Variants in SAMD4A observed in about 807,000 individuals in gnomAD.
SAMD4A encodes the protein sterile alpha motif domain containing 4A, also known as protein Smaug homolog 1.
A neutral mutation model predicts 81.3 loss-of-function variants in SAMD4A; 33 were observed. That is an observed-to-expected ratio of 0.41 (90% CI 0.31 to 0.54). The LOEUF (loss-of-function observed/expected upper bound fraction) is 0.54, where lower values mean the gene tolerates loss of function less well. SAMD4A is among the 20% of genes least tolerant of loss of function. The probability of loss-of-function intolerance (pLI) is 0.37; values close to 1 mark genes in which losing one functional copy is unlikely to be tolerated. For missense variants in SAMD4A, 854 were observed against 951.1 expected (o/e 0.90, Z 1.34); for synonymous variants, 389 against 382.1 (o/e 1.02, Z -0.21).
At chr14:54,626,047 TGTGTGTGTGTGTGCGCGC>T (rs1051095131) in intron 2 of SAMD4A, among the ~76,000 whole-genome samples, 38 of 130,252 alleles carry the variant, frequency 2.9e-4, no homozygotes, top group African/African-American at 1.2e-3. Flanking sequence ...TGTGTGTGTG[TGTGTGTGTGTGTGCGCGC>T]GCGCGCGCGC....
intron 12 of SAMD4A, among the ~76,000 whole-genome samples, chr14:54,785,566 C>T (rs529859883): frequency 2.0e-5 from 3 of 152,228 alleles, no homozygotes; most frequent in African/African-American, 4.8e-5. Context: ...AAGCGATAGC[C>T]CTATCCAGTC....
chr14:54,676,135 C>T (rs1217261658), intron 2 of SAMD4A, among the ~76,000 whole-genome samples: 5 of 152,046 alleles, frequency 3.3e-5, no homozygotes, highest in Non-Finnish European at 5.9e-5. Flanking sequence ...ACAAAGGAGC[C>T]CCTGAATACC....
chr14:54,632,721 T>C (rs1481705689), intron 2 of SAMD4A, among the ~76,000 whole-genome samples: 1 of 152,220 alleles, frequency 6.6e-6, no homozygotes, highest in Non-Finnish European at 1.5e-5. Context: ...CAAGAACCTG[T>C]GGTCTGAATC....
chr14:54,722,411 A>G (rs1436670235), intron 3 of SAMD4A, among the ~76,000 whole-genome samples: 1 of 152,188 alleles, frequency 6.6e-6, no homozygotes, highest in Admixed American at 6.5e-5. Context: ...GTACAAATCT[A>G]TAGGCCTCAA....
At chr14:54,649,080 G>A (rs2035348602) in intron 2 of SAMD4A, among the ~76,000 whole-genome samples, 1 of 152,180 alleles carries the variant, frequency 6.6e-6, no homozygotes, top group South Asian at 2.1e-4. Flanking sequence ...TGGTATCATT[G>A]ACTGAGATGG....
At chr14:54,598,996 T>C (rs1594713913) in intron 2 of SAMD4A, among the ~76,000 whole-genome samples, 1 of 152,126 alleles carries the variant, frequency 6.6e-6, no homozygotes, top group Non-Finnish European at 1.5e-5. Context: ...AATTTTTGTA[T>C]TTTTGTAGAG....
chr14:54,670,914 G>GA (rs2035867268), intron 2 of SAMD4A, among the ~76,000 whole-genome samples: 1 of 152,148 alleles, frequency 6.6e-6, no homozygotes, highest in Non-Finnish European at 1.5e-5. Context: ...CACAAAGAAG[G>GA]AAGTGTTCCT....
At chr14:54,641,902 A>G (rs1426889198) in intron 2 of SAMD4A, among the ~76,000 whole-genome samples, 1 of 152,098 alleles carries the variant, frequency 6.6e-6, no homozygotes, top group African/African-American at 2.4e-5. Context: ...GGTTCAAGCA[A>G]TTCTCCTACC....
chr14:54,738,198 T>G (rs2037748430), intron 4 of SAMD4A, among the ~76,000 whole-genome samples: 1 of 152,218 alleles, frequency 6.6e-6, no homozygotes, highest in South Asian at 2.1e-4. Flanking sequence ...GCATTAATAG[T>G]CCTGAGGTTT....
chr14:54,753,588 C>T (rs1350322436), intron 6 of SAMD4A, among the ~76,000 whole-genome samples: 1 of 152,114 alleles, frequency 6.6e-6, no homozygotes, highest in East Asian at 1.9e-4. Flanking sequence ...TACATAGACA[C>T]AGTAACAGTC....
intron 2 of SAMD4A, among the ~76,000 whole-genome samples, chr14:54,586,522 T>C (rs546270048): frequency 6.6e-6 from 1 of 152,294 alleles, no homozygotes; most frequent in South Asian, 2.1e-4. Context: ...TCTAGAAGGG[T>C]TTTTCCAATG....
At chr14:54,783,490 G>A (rs1181615507) in intron 11 of SAMD4A, among the ~76,000 whole-genome samples, 1 of 152,246 alleles carries the variant, frequency 6.6e-6, no homozygotes, top group Admixed American at 6.5e-5. Flanking sequence ...AGGGGTTCCA[G>A]GTGGTAGAGG....
chr14:54,634,755 G>GTCTA (rs1203139528), intron 2 of SAMD4A, among the ~76,000 whole-genome samples: 2 of 91,652 alleles, frequency 2.2e-5, no homozygotes, highest in East Asian at 3.9e-4. Flanking sequence ...CTGTCTGTCT[G>GTCTA]TCTGTCTATC....
At chr14:54,645,529 G>GT (rs2035268954) in intron 2 of SAMD4A, among the ~76,000 whole-genome samples, 1 of 151,956 alleles carries the variant, frequency 6.6e-6, no homozygotes, top group African/African-American at 2.4e-5. Context: ...TTCAAAGCCT[G>GT]TTTTTTTAAA....
chr14:54,634,528 T>C (rs2034984970), intron 2 of SAMD4A, among the ~76,000 whole-genome samples: 1 of 152,048 alleles, frequency 6.6e-6, no homozygotes, highest in Non-Finnish European at 1.5e-5. Context: ...CTAGATCCCT[T>C]GCATGCACAG....
chr14:54,637,785 C>T (rs2035072702), intron 2 of SAMD4A, among the ~76,000 whole-genome samples: 1 of 152,196 alleles, frequency 6.6e-6, no homozygotes, highest in Non-Finnish European at 1.5e-5. Flanking sequence ...ATACTAGTTA[C>T]ATTAAATCAG....
At chr14:54,756,627 G>C (rs369286089) in intron 6 of SAMD4A, among the ~76,000 whole-genome samples, 1 of 152,178 alleles carries the variant, frequency 6.6e-6, no homozygotes, top group Non-Finnish European at 1.5e-5. Flanking sequence ...GAATGGATGC[G>C]CTAGATACAG....
intron 2 of SAMD4A, among the ~76,000 whole-genome samples, chr14:54,614,247 T>C (rs892527484): frequency 6.6e-6 from 1 of 152,240 alleles, no homozygotes; most frequent in Non-Finnish European, 1.5e-5. Flanking sequence ...ACATGTAATT[T>C]ATGTTAACAT....
chr14:54,573,216 T>A (rs1236846158), intron 2 of SAMD4A, among the ~76,000 whole-genome samples: 3 of 152,238 alleles, frequency 2.0e-5, no homozygotes, highest in Admixed American at 6.5e-5. Flanking sequence ...TTGTACTCTT[T>A]GTTGTGAATA....
Sources: gnomAD v4.1 joint callset for allele counts (sites outside exome capture counted in the v4.1 genomes callset) on GRCh38, gnomAD v4.1.1 for gene constraint, MANE v1.5 for transcripts, NCBI Gene and HGNC (gene_info 2026-07-23, HGNC 2026-07-21) for gene names.